Variants in ATP8A2 observed in about 807,000 individuals in gnomAD.
The protein encoded by ATP8A2 is phospholipid-transporting ATPase IB.
Under a neutral mutation model 165.6 loss-of-function variants are expected in ATP8A2, and 100 were observed. The ratio of observed to expected loss-of-function variants is 0.60; its 90% CI spans 0.51 to 0.71. ATP8A2 has a LOEUF of 0.71. Among genes scored for constraint, ATP8A2 ranks in the 30% least tolerant of loss-of-function variants. The pLI, the probability that ATP8A2 is intolerant of heterozygous loss-of-function variation, is 0.00. For synonymous variants in ATP8A2, 543 were observed against 548.8 expected (o/e 0.99, Z 0.15); for missense variants, 1,227 against 1,479.5 (o/e 0.83, Z 2.80).
chr13:25,402,042 A>C (rs986098670), intron 1 of ATP8A2, among the ~76,000 whole-genome samples: 3 of 152,032 alleles, frequency 2.0e-5, no homozygotes, highest in Non-Finnish European at 4.4e-5. Context: ...TAAGTCAAAT[A>C]AGGGCTACTT....
rs563634711 is a variant in ATP8A2, at chr13:25,999,729, A to G, written c.3378-12802A>G. ...GGGTCTCACACACAGTAGGCGCAGT[A>G]CAAATGCTGAATTAATGGGAGGTCA... On this transcript the variant is annotated intron_variant, in intron 35 of 36. Coordinates refer to ENST00000381655, the MANE Select transcript of ATP8A2 (RefSeq NM_016529.6). Among the ~76,000 whole-genome samples, 26 of 152,328 alleles carry G rather than the reference A, an allele frequency of 1.7e-4. No homozygotes were observed. In the South Asian group the frequency reaches 5.4e-3, roughly 32 times the overall value.
intron 2 of ATP8A2, among the ~76,000 whole-genome samples, chr13:25,503,793 T>C (rs2036934296): frequency 6.6e-6 from 1 of 152,070 alleles, no homozygotes; most frequent in South Asian, 2.1e-4. Context: ...ATGGCAAGTT[T>C]GGTGTGGCAT....
chr13:25,541,693 A>G (rs987246660), intron 8 of ATP8A2, among the ~76,000 whole-genome samples: 1 of 152,200 alleles, frequency 6.6e-6, no homozygotes, highest in Non-Finnish European at 1.5e-5. Context: ...GTGGAATCTT[A>G]ACTTTCAGCT....
chr13:25,792,813 C>T, intron 27 of ATP8A2, among the ~76,000 whole-genome samples: 1 of 151,624 alleles, frequency 6.6e-6, no homozygotes, highest in East Asian at 1.9e-4. Flanking sequence ...CTAGCTAGCT[C>T]CTTGGGAGGC....
chr13:25,708,647 G>C (rs778099814), intron 25 of ATP8A2, among the ~76,000 whole-genome samples: 4 of 151,948 alleles, frequency 2.6e-5, no homozygotes, highest in Non-Finnish European at 5.9e-5. Flanking sequence ...AGTTTGAATA[G>C]GAAGCCCCAA....
chr13:25,510,372 C>G (rs1479144967), intron 2 of ATP8A2, among the ~76,000 whole-genome samples: 1 of 152,122 alleles, frequency 6.6e-6, no homozygotes, highest in Non-Finnish European at 1.5e-5. Context: ...GAAAGATGTT[C>G]TAGGAATTTG....
chr13:25,725,404 A>T lies in ATP8A2; in HGVS notation c.2384+26059A>T, dbSNP rs930046708. Among the ~76,000 whole-genome samples, 8 of 152,318 alleles carry T rather than the reference A, an allele frequency of 5.3e-5. No homozygotes were observed. The South Asian group carries it at 6.2e-4, about 12-fold the overall frequency. ...GCTCCATTAAAGTGGACCAAAGTGG[A>T]ATCTGAGTCCTTTTCAGGCCCTAGG... On this transcript the variant is annotated intron_variant, in intron 25 of 36. Coordinates refer to ENST00000381655, the MANE Select transcript of ATP8A2 (RefSeq NM_016529.6).
At chr13:25,426,757 A>G (rs1270858499) in intron 1 of ATP8A2, among the ~76,000 whole-genome samples, 1 of 152,082 alleles carries the variant, frequency 6.6e-6, no homozygotes, top group Non-Finnish European at 1.5e-5. Context: ...AGCCTGGCCA[A>G]TATGGTGAAG....
chr13:25,892,985 A>G (rs772709168), intron 33 of ATP8A2, among the ~76,000 whole-genome samples: 1 of 152,120 alleles, frequency 6.6e-6, no homozygotes, highest in Non-Finnish European at 1.5e-5. Context: ...CATAGGACAT[A>G]TCAATCAAAT....
intron 2 of ATP8A2, among the ~76,000 whole-genome samples, chr13:25,518,362 G>T (rs576685725): frequency 6.6e-6 from 1 of 152,232 alleles, no homozygotes; most frequent in East Asian, 1.9e-4. Context: ...CGGTGGGGAC[G>T]CTTAAAGCCT....
intron 19 of ATP8A2, among the ~76,000 whole-genome samples, chr13:25,576,460 C>T (rs1033402382): frequency 1.3e-5 from 2 of 151,558 alleles, no homozygotes; most frequent in South Asian, 2.1e-4. Context: ...CACAGGTGGA[C>T]GGAGAGCAGT....
intron 35 of ATP8A2, among the ~76,000 whole-genome samples, chr13:26,003,242 A>G (rs1417679835): frequency 2.0e-5 from 3 of 151,358 alleles, no homozygotes; most frequent in Non-Finnish European, 4.4e-5. Flanking sequence ...ATGTGAGGTA[A>G]TATCTCATTG....
chr13:25,505,203 G>GGC (rs1271601183), intron 2 of ATP8A2, among the ~76,000 whole-genome samples: 6 of 104,190 alleles, frequency 5.8e-5, no homozygotes, highest in East Asian at 5.1e-4. Flanking sequence ...TCGGCGGGGC[G>GGC]GGGGGGGGTG....
At chr13:25,941,807 A>C (rs1289672376) in intron 33 of ATP8A2, among the ~76,000 whole-genome samples, 1 of 152,208 alleles carries the variant, frequency 6.6e-6, no homozygotes, top group Admixed American at 6.5e-5. Flanking sequence ...AAAGTCCAGG[A>C]ATTAAATAAG....
In ATP8A2 at chr13:25,372,318, G is replaced by T. The variant is rs1428316967; in HGVS notation, c.76+30G>T. 1.4e-6 allele frequency: 2 copies of T among 1,424,766 alleles called. No homozygotes were observed. Among genetic ancestry groups the T allele is most frequent in the Admixed American group, 5.3e-5 (2 of 37,698 alleles). The allele number at this position is 1,424,766 out of a possible 1,614,324, so 88.3% of individuals were successfully genotyped here. On this transcript the variant is annotated intron_variant, in intron 1 of 36. Transcript: ENST00000381655. This position sits in a 1 kb window ranked among gnomAD's most constrained non-coding sequence, Gnocchi z 4.8. ...GCTGGGAGGGGCGCGGCGAGGGAGG[G>T]TGGGCCCGGGGCGGGGGCGGCGCGG...
chr13:26,006,213 T>A (rs1350038781), intron 35 of ATP8A2, among the ~76,000 whole-genome samples: 4 of 152,082 alleles, frequency 2.6e-5, no homozygotes, highest in Non-Finnish European at 4.4e-5. Context: ...ATAGTTTTTT[T>A]ATGTATGAGT....
At chr13:25,432,427 G>A (rs1428960773) in intron 1 of ATP8A2, among the ~76,000 whole-genome samples, 3 of 152,330 alleles carry the variant, frequency 2.0e-5, no homozygotes, top group African/African-American at 7.2e-5. Context: ...GCCACTGCAT[G>A]TCAGGTGACA....
At chr13:25,461,200 G>C (rs769167002) in intron 1 of ATP8A2, among the ~76,000 whole-genome samples, 30 of 152,246 alleles carry the variant, frequency 2.0e-4, no homozygotes, top group Non-Finnish European at 4.1e-4. Context: ...TTGGGTAGAA[G>C]TGGATTGCAG....
chr13:25,891,565 C>A (rs1303653608), intron 33 of ATP8A2, among the ~76,000 whole-genome samples: 1 of 152,170 alleles, frequency 6.6e-6, no homozygotes, highest in Admixed American at 6.5e-5. Flanking sequence ...CTCAGGTGAT[C>A]TGCCTACCTT....
Sources: allele counts gnomAD v4.1 joint callset (sites outside exome capture counted in the v4.1 genomes callset), GRCh38; gene constraint gnomAD v4.1.1; non-coding constraint Gnocchi (gnomAD v3.1); transcripts MANE v1.5; gene names NCBI Gene and HGNC (gene_info 2026-07-23, HGNC 2026-07-21).